Variants in INPP4B observed in about 807,000 individuals in gnomAD.
INPP4B encodes the protein inositol polyphosphate 4-phosphatase type II.
Under a neutral mutation model 122.5 loss-of-function variants are expected in INPP4B, and 55 were observed. The ratio of observed to expected loss-of-function variants is 0.45; its 90% CI spans 0.36 to 0.56. The LOEUF (loss-of-function observed/expected upper bound fraction) is 0.56. Ranked by LOEUF, INPP4B falls within the 20% of genes least tolerant of loss-of-function variation. The pLI is 0.00. For synonymous variants in INPP4B, 403 were observed against 388.7 expected, an observed-to-expected ratio of 1.04 and a Z score of -0.43; for missense variants, 1,000 against 1,097.7, an observed-to-expected ratio of 0.91 and a Z score of 1.26.
Position 142,531,587 on chromosome 4 carries a change from G to A in INPP4B, c.-190-68861C>T, listed in dbSNP as rs1398439922. 4.6e-5 allele frequency among the ~76,000 whole-genome samples: 7 copies of A among 152,146 alleles called. No homozygotes were observed. The East Asian group carries it at 1.4e-3, about 29-fold the overall frequency. On this transcript the variant is annotated intron_variant, in intron 2 of 25. Coordinates refer to ENST00000262992, the MANE Select transcript of INPP4B (RefSeq NM_001101669.3). The stretch of plus-strand genomic sequence containing the variant: ...AGTCTATGTTGATGATGTAGCTTTC[G>A]ACATTATTATAACATGATTTATTAT...
At chr4:142,110,281 A>G (rs959287868) in intron 22 of INPP4B, among the ~76,000 whole-genome samples, 1 of 152,114 alleles carries the variant, frequency 6.6e-6, no homozygotes, top group Admixed American at 6.6e-5. Context: ...CCAGAAAAAG[A>G]GCCCTCACTG....
At chr4:142,829,577 A>G (rs1781861448) in intron 1 of INPP4B, among the ~76,000 whole-genome samples, 1 of 152,088 alleles carries the variant, frequency 6.6e-6, no homozygotes, top group African/African-American at 2.4e-5. Context: ...CCTAACCAGA[A>G]AAAAAAAGAC....
chr4:142,613,377 A>G (rs1742994604), intron 2 of INPP4B, among the ~76,000 whole-genome samples: 1 of 152,206 alleles, frequency 6.6e-6, no homozygotes, highest in African/African-American at 2.4e-5. Context: ...TATTTTTCAC[A>G]GGATATACAA....
At chr4:142,558,794 A>T (rs1166795690) in intron 2 of INPP4B, among the ~76,000 whole-genome samples, 2 of 2,844 alleles carry the variant, frequency 7.0e-4, no homozygotes, top group South Asian at 9.3e-3. Context: ...GACTCCCTCT[A>T]AAAAAAAAAA....
At chr4:142,228,820 G>GA (rs1191680254) in intron 12 of INPP4B, among the ~76,000 whole-genome samples, 3 of 151,686 alleles carry the variant, frequency 2.0e-5, no homozygotes, top group Admixed American at 6.6e-5. Flanking sequence ...AAGTCAAAAG[G>GA]AAAAATAGGA....
intron 1 of INPP4B, among the ~76,000 whole-genome samples, chr4:142,826,256 G>C (rs1781445001): frequency 1.3e-5 from 2 of 152,098 alleles, no homozygotes; most frequent in African/African-American, 4.8e-5. Context: ...GGCTGCACAA[G>C]AGAATGAGGC....
chr4:142,074,821 G>T (rs528787461), intron 25 of INPP4B, among the ~76,000 whole-genome samples: 1 of 151,608 alleles, frequency 6.6e-6, no homozygotes, highest in South Asian at 2.1e-4. Context: ...AAAATCACTT[G>T]ACAAGTGTGA....
intron 1 of INPP4B, among the ~76,000 whole-genome samples, chr4:142,753,263 A>G (rs1184843809): frequency 6.6e-6 from 1 of 152,140 alleles, no homozygotes; most frequent in African/African-American, 2.4e-5. Flanking sequence ...TTTCAAGGTT[A>G]AACTTCTAAA....
At chr4:142,830,941 G>C (rs1782054158) in intron 1 of INPP4B, among the ~76,000 whole-genome samples, 1 of 151,706 alleles carries the variant, frequency 6.6e-6, no homozygotes, top group South Asian at 2.1e-4. Flanking sequence ...AGGATCAGTT[G>C]GGCCCAGGAA....
chr4:142,682,648 T>C (rs1281197089), intron 2 of INPP4B, among the ~76,000 whole-genome samples: 1 of 151,936 alleles, frequency 6.6e-6, no homozygotes, highest in Non-Finnish European at 1.5e-5. Flanking sequence ...CTCTATTGCA[T>C]GAGAGCAGAA....
At chr4:142,266,626 T>C (rs1365907921) in intron 10 of INPP4B, among the ~76,000 whole-genome samples, 1 of 152,184 alleles carries the variant, frequency 6.6e-6, no homozygotes, top group Non-Finnish European at 1.5e-5. Context: ...TGTTCATTTA[T>C]AAAGCTTTTC....
intron 25 of INPP4B, among the ~76,000 whole-genome samples, chr4:142,068,820 T>A (rs28856968): frequency 0.026 from 3,997 of 152,278 alleles, 189 homozygotes; most frequent in African/African-American, 0.089. Flanking sequence ...AGGAGCACCC[T>A]GATTCATAAA....
intron 2 of INPP4B, among the ~76,000 whole-genome samples, chr4:142,710,565 A>G (rs76643922): frequency 0.028 from 4,341 of 152,328 alleles, 71 homozygotes; most frequent in Middle Eastern, 0.095. Context: ...AGTGTACTGC[A>G]CATATAAAAA....
At chr4:142,769,193 C>T (rs963625395) in intron 1 of INPP4B, among the ~76,000 whole-genome samples, 4 of 152,110 alleles carry the variant, frequency 2.6e-5, no homozygotes, top group South Asian at 4.1e-4. Context: ...AAGGGACATG[C>T]GTCTTAAAGA....
chr4:142,234,562 C>T (rs997585389), intron 12 of INPP4B, among the ~76,000 whole-genome samples: 8 of 151,988 alleles, frequency 5.3e-5, no homozygotes, highest in Admixed American at 3.9e-4. Context: ...ATCTCCTTTT[C>T]GTTATAAAAT....
chr4:142,442,403 C>A, intron 3 of INPP4B, among the ~76,000 whole-genome samples: 2 of 82,398 alleles, frequency 2.4e-5, no homozygotes, highest in African/African-American at 4.4e-5. Flanking sequence ...CAGAGCAAGA[C>A]TCCATCTCAA....
intron 1 of INPP4B, among the ~76,000 whole-genome samples, chr4:142,796,643 A>T (rs1777276278): frequency 1.3e-5 from 2 of 152,024 alleles, no homozygotes; most frequent in South Asian, 4.1e-4. Flanking sequence ...GGCACAAAAA[A>T]AAGTCTAAAA....
chr4:142,148,465 C>T (rs2152854305), intron 17 of INPP4B, among the ~76,000 whole-genome samples: 1 of 152,244 alleles, frequency 6.6e-6, no homozygotes, highest in East Asian at 1.9e-4. Context: ...CCACCCACCT[C>T]AGCCTCCCAA....
chr4:142,399,453 C>T (rs1800892308), intron 7 of INPP4B, among the ~76,000 whole-genome samples: 1 of 152,054 alleles, frequency 6.6e-6, no homozygotes, highest in Admixed American at 6.6e-5. Context: ...CCTCAGCCTC[C>T]CAAAGTGCTG....
Sources: allele counts gnomAD v4.1 joint callset (sites outside exome capture counted in the v4.1 genomes callset), GRCh38; gene constraint gnomAD v4.1.1; transcripts MANE v1.5; gene names NCBI Gene and HGNC (gene_info 2026-07-23, HGNC 2026-07-21).